The following CHCHD3 variants were observed in gnomAD, a reference collection of about 807,000 sequenced individuals.
CHCHD3 encodes MICOS complex subunit MIC19.
In CHCHD3, 20 loss-of-function variants were observed where a neutral mutation model predicts 38.2. That is an observed-to-expected ratio of 0.52 (90% CI 0.37 to 0.76). The LOEUF (loss-of-function observed/expected upper bound fraction) is 0.76. CHCHD3 is among the 30% of genes least tolerant of loss of function. CHCHD3 has a pLI of 0.00. For synonymous variants in CHCHD3, 82 were observed against 100.0 expected, an observed-to-expected ratio of 0.82 and a Z score of 1.07; for missense variants, 245 against 279.2, an observed-to-expected ratio of 0.88 and a Z score of 0.87.
chr7:133,014,090 A>G (rs961020182), intron 3 of CHCHD3, among the ~76,000 whole-genome samples: 9 of 152,186 alleles, frequency 5.9e-5, no homozygotes, highest in Non-Finnish European at 1.2e-4. Flanking sequence ...TTAATCCAAC[A>G]ACCCCATCAG....
chr7:133,063,365 C>T (rs1225972848), intron 2 of CHCHD3, among the ~76,000 whole-genome samples: 1 of 152,118 alleles, frequency 6.6e-6, no homozygotes, highest in East Asian at 1.9e-4. Flanking sequence ...AGCAGCTGAC[C>T]TTCCTGATTG....
intron 6 of CHCHD3, among the ~76,000 whole-genome samples, chr7:132,821,136 A>G (rs963598842): frequency 1.3e-5 from 2 of 152,214 alleles, no homozygotes; most frequent in South Asian, 2.1e-4. Flanking sequence ...AGGGAAATAT[A>G]TATTAGATCA....
At chr7:132,831,189 A>G (rs1807639825) in intron 6 of CHCHD3, among the ~76,000 whole-genome samples, 1 of 152,196 alleles carries the variant, frequency 6.6e-6, no homozygotes, top group Non-Finnish European at 1.5e-5. Flanking sequence ...TGCTGGTAAC[A>G]TAACTCCTGC....
intron 4 of CHCHD3, among the ~76,000 whole-genome samples, chr7:132,963,527 G>A (rs183529420): frequency 2.6e-4 from 40 of 151,340 alleles, no homozygotes; most frequent in Non-Finnish European, 1.0e-4. Context: ...AGCTACTCGC[G>A]AGGCTGAGGC....
At chr7:132,903,346 G>T (rs1182736697) in intron 4 of CHCHD3, among the ~76,000 whole-genome samples, 2 of 150,944 alleles carry the variant, frequency 1.3e-5, no homozygotes, top group East Asian at 3.9e-4. Flanking sequence ...GTTTTTTTCT[G>T]AATATTTTCA....
intron 1 of CHCHD3, among the ~76,000 whole-genome samples, chr7:133,079,123 C>T (rs1815094870): frequency 1.3e-5 from 2 of 152,222 alleles, no homozygotes; most frequent in Admixed American, 1.3e-4. Context: ...TCCCATTTCC[C>T]AGTCCATACC....
At chr7:132,982,619 A>G (rs533224800) in intron 3 of CHCHD3, among the ~76,000 whole-genome samples, 13 of 152,350 alleles carry the variant, frequency 8.5e-5, no homozygotes, top group South Asian at 2.1e-4. Context: ...GTGTGACAGA[A>G]AAAGAGTTAG....
chr7:133,004,219 C>T (rs1812643211), intron 3 of CHCHD3, among the ~76,000 whole-genome samples: 1 of 152,152 alleles, frequency 6.6e-6, no homozygotes. Context: ...GCCTCAGCCT[C>T]CCAAAGTGCT....
At chr7:132,966,863 T>C (rs1811477780) in intron 4 of CHCHD3, among the ~76,000 whole-genome samples, 1 of 152,252 alleles carries the variant, frequency 6.6e-6, no homozygotes, top group African/African-American at 2.4e-5. Flanking sequence ...CCAAGGGCTG[T>C]ATTTCTTAGC....
chr7:132,935,091 A>G (rs143037256), intron 4 of CHCHD3, among the ~76,000 whole-genome samples: 1 of 151,790 alleles, frequency 6.6e-6, no homozygotes, highest in African/African-American at 2.4e-5. Flanking sequence ...CCACGATGAA[A>G]TGGCAAGAGA....
intron 3 of CHCHD3, among the ~76,000 whole-genome samples, chr7:133,012,422 T>C (rs1812900156): frequency 6.6e-6 from 1 of 152,200 alleles, no homozygotes; most frequent in Non-Finnish European, 1.5e-5. Context: ...ATTTCTTATT[T>C]ATTGAGCTCC....
At chr7:132,930,629 G>C (rs1810492518) in intron 4 of CHCHD3, among the ~76,000 whole-genome samples, 1 of 151,896 alleles carries the variant, frequency 6.6e-6, no homozygotes, top group East Asian at 1.9e-4. Context: ...CTATCCTTTT[G>C]CCCAGCAACA....
chr7:133,022,474 T>G (rs1200871783), intron 3 of CHCHD3: 1 of 456,712 alleles, frequency 2.2e-6, no homozygotes. Context: ...ACTTTCTTAA[T>G]GCTGTTTCTG....
intron 4 of CHCHD3, among the ~76,000 whole-genome samples, chr7:132,924,881 G>A (rs1810339380): frequency 6.6e-6 from 1 of 152,146 alleles, no homozygotes; most frequent in African/African-American, 2.4e-5. Flanking sequence ...CATGCCTGGA[G>A]AGAGATCTAA....
chr7:133,035,297 T>C lies in CHCHD3; in HGVS notation c.170-10670A>G, dbSNP rs1363190285. On this transcript the variant is annotated intron_variant, in intron 2 of 7. Transcript: ENST00000262570. The surrounding 1 kb of genome is among the most constrained non-coding windows in gnomAD (Gnocchi z 4.7). ...CAAACTGGGCCATCTTCTCACACAG[T>C]TTCAGTTCCCCCAAGACAGCCCGGA... 6.2e-7 allele frequency: 1 copy of C among 1,612,364 alleles called. No homozygotes were observed. The highest frequency in any genetic ancestry group is 1.3e-5 in the African/African-American group (1 of 74,860).
intron 3 of CHCHD3, among the ~76,000 whole-genome samples, chr7:132,976,660 G>C (rs1244948972): frequency 7.9e-5 from 12 of 152,178 alleles, no homozygotes; most frequent in Non-Finnish European, 1.8e-4. Context: ...GTTGGTGTAA[G>C]TGAAATTCTG....
At chr7:132,933,043 C>T (rs1810551056) in intron 4 of CHCHD3, among the ~76,000 whole-genome samples, 1 of 152,176 alleles carries the variant, frequency 6.6e-6, no homozygotes, top group Non-Finnish European at 1.5e-5. Context: ...GGGTCACCTT[C>T]AGATTCAGAT....
chr7:132,879,437 T>C (rs1808993695), intron 5 of CHCHD3, among the ~76,000 whole-genome samples: 1 of 152,082 alleles, frequency 6.6e-6, no homozygotes, highest in Admixed American at 6.6e-5. Context: ...GTGGATGCCA[T>C]AGAGCAAATC....
At chr7:132,993,904 G>A (rs1419683708) in intron 3 of CHCHD3, among the ~76,000 whole-genome samples, 1 of 152,204 alleles carries the variant, frequency 6.6e-6, no homozygotes, top group Non-Finnish European at 1.5e-5. Context: ...GACTGAAATT[G>A]ATAGCAGAAG....
Sources: allele counts gnomAD v4.1 joint callset (sites outside exome capture counted in the v4.1 genomes callset), GRCh38; gene constraint gnomAD v4.1.1; non-coding constraint Gnocchi (gnomAD v3.1); transcripts MANE v1.5; gene names NCBI Gene and HGNC (gene_info 2026-07-23, HGNC 2026-07-21).